Variants in HCRT observed in about 807,000 individuals in gnomAD.
HCRT encodes the protein hypocretin neuropeptide precursor, also known as hypocretin (orexin) neuropeptide.
A neutral mutation model predicts 5.7 loss-of-function variants in HCRT; 5 were observed. The observed-to-expected ratio is 0.87, with a 90% CI of 0.45 to 1.83. The LOEUF is 1.83. Ranked by LOEUF, HCRT falls within the 40% of genes most tolerant of loss-of-function variation. The pLI, the probability that HCRT is intolerant of heterozygous loss-of-function variation, is 0.02. For synonymous variants in HCRT, 114 were observed against 99.0 expected (o/e 1.15, Z -0.90); for missense variants, 207 against 191.8 (o/e 1.08, Z -0.47).
In HCRT at chr17:42,184,551, C is replaced by T. The variant is rs748356057; in HGVS notation, c.22-23G>A. The stretch of plus-strand genomic sequence containing the variant: ...GACCTAGGGAGACGGAGACAGGGCG[C>T]TGGGGGGGTCTTCCCACGGCGCCCG... On this transcript the variant is annotated intron_variant, in intron 1 of 1. Coordinates refer to ENST00000293330, the MANE Select transcript of HCRT (RefSeq NM_001524.1). The T allele has an allele frequency of 9.8e-5, 144 of 1,470,602 alleles. No individual in the cohort carries two copies. The African/African-American group carries it at 2.0e-3, about 21-fold the overall frequency. The allele number at this position is 1,470,602 out of a possible 1,614,324, so 91.1% of individuals were successfully genotyped here. A position where few individuals can be genotyped will look rare whatever the true frequency, so the allele number is the denominator to read the frequency against.
In HCRT at chr17:42,184,232, C is replaced by T; in HGVS notation, c.318G>A (p.Ala106=). ...AGCGGCGCCCGAGGCAGGGGCGCGG[C>T]GCTGGCTCTGCGCCTGCGCGGCGGC... ...TMGRRAGAEP[A]PRPCLGRRCS... Residue 106 remains alanine, a synonymous_variant, in exon 2 of 2, where the codon GCG becomes GCA. Transcript: ENST00000293330. 1 of 1,330,716 alleles carries T rather than the reference C, an allele frequency of 7.5e-7. No homozygotes were observed. The highest frequency in any genetic ancestry group is 9.6e-7 in the Non-Finnish European group (1 of 1,044,840). The allele number at this position is 1,330,716 out of a possible 1,614,324, so 82.4% of individuals were successfully genotyped here. A position where few individuals can be genotyped will look rare whatever the true frequency, so the allele number is the denominator to read the frequency against.
In HCRT at chr17:42,184,124, C is replaced by A; in HGVS notation, c.*30G>T. On this transcript the variant is annotated 3_prime_UTR_variant, in exon 2 of 2. Transcript: ENST00000293330. ...ACGCTGGGTGGGCAGAGGGCAGAGG[C>A]CTGGGCCAGGACAGGGCCCGAAGAA... 7.9e-7 allele frequency: 1 copy of A among 1,269,082 alleles called. No homozygotes were observed. The highest frequency in any genetic ancestry group is 9.9e-7 in the Non-Finnish European group (1 of 1,005,190). 78.6% of individuals were successfully genotyped at this position (1,269,082 alleles called of 1,614,324 possible).
At position 42,184,256 on chromosome 17, in the gene HCRT, G is replaced by T; in HGVS notation, c.294C>A (p.Gly98=). The T allele has an allele frequency of 2.2e-6, 3 of 1,377,762 alleles. No homozygotes were observed. Among genetic ancestry groups the T allele is most frequent in the South Asian group, 1.7e-5 (1 of 59,650 alleles). 85.3% of individuals were successfully genotyped at this position (1,377,762 alleles called of 1,614,324 possible). A position where few individuals can be genotyped will look rare whatever the true frequency, so the allele number is the denominator to read the frequency against. Residue 98 remains glycine (G), a synonymous_variant, in exon 2 of 2, where the codon GGC becomes GGA. Transcript: ENST00000293330. ...GNHAAGILTM[G]RRAGAEPAPR... is the part of the protein sequence containing the mutation. ...GCGCTGGCTCTGCGCCTGCGCGGCG[G>T]CCCATGGTCAGGATGCCCGCGGCGT...
rs771882989 is a variant in HCRT, at chr17:42,184,334, C to T, written c.216G>A (p.Gly72=). 5 of 1,561,874 alleles carry T rather than the reference C, an allele frequency of 3.2e-6. No individual in the cohort carries two copies. The highest frequency in any genetic ancestry group is 1.4e-5 in the African/African-American group (1 of 72,654). ...GILTLGKRRS[G]PPGLQGRLQR... is the part of the protein sequence containing the mutation. ...GCAGCCGACCCTGGAGGCCCGGGGGCCCGGACCTCCGCTTGCCCAGCGTGA... is the reference window on the plus strand; with the variant it reads ...GCAGCCGACCCTGGAGGCCCGGGGGTCCGGACCTCCGCTTGCCCAGCGTGA... Residue 72 remains glycine, a synonymous_variant, in exon 2 of 2, where the codon GGG becomes GGA. Coordinates refer to ENST00000293330, the MANE Select transcript of HCRT (RefSeq NM_001524.1).
At position 42,185,405 on chromosome 17, in the gene HCRT, T is replaced by C. The variant is rs368158573; in HGVS notation, c.-40A>G. 11 of 1,608,730 alleles carry C rather than the reference T, an allele frequency of 6.8e-6. No homozygotes were observed. In the African/African-American group the frequency reaches 1.2e-4, roughly 18 times the overall value. ...AGGGTGGGGTAGCCGGGAAAGGAGA[T>C]GTCTGTGGTGGTTCAAAAAGCCAGG... On this transcript the variant is annotated 5_prime_UTR_variant, in exon 1 of 2. Transcript: ENST00000293330.
rs768290032 is a variant in HCRT at position 42,184,449 on chromosome 17, TGTGCAGCCGCCCCGGACGACAA to T, written c.79_100del (p.Leu27SerfsTer62). The T allele has an allele frequency of 6.3e-7, 1 of 1,595,362 alleles. No individual in the cohort carries two copies. Among genetic ancestry groups the T allele is most frequent in the South Asian group, 1.1e-5 (1 of 89,976 alleles). ...TTGACGACAGCAGTCGGGCAGGGGC[TGTGCAGCCGCCCCGGACGACAA>T]CAGCGCGGGCGGCAGCAGCAGCAGC... On this transcript the variant is annotated frameshift_variant, in exon 2 of 2. Transcript: ENST00000293330. LOFTEE classifies it high-confidence loss of function.
At position 42,184,456 on chromosome 17, in the gene HCRT, C is replaced by A. The variant is rs777152354; in HGVS notation, c.94G>T (p.Ala32Ser). ...CAGCAGTCGGGCAGGGGCTGTGCAG[C>A]CGCCCCGGACGACAACAGCGCGGGC... ...LPPALLSSGAAAQPLPDCCRQ... is the reference protein window; with the variant it reads ...LPPALLSSGASAQPLPDCCRQ... Residue 32 changes from alanine to serine, a missense_variant, in exon 2 of 2, where the codon GCT becomes TCT. Ala to Ser is a moderately conservative substitution (Grantham distance 99). Coordinates refer to ENST00000293330, the MANE Select transcript of HCRT (RefSeq NM_001524.1). The A allele has an allele frequency of 1.9e-6, 3 of 1,592,984 alleles. No individual in the cohort carries two copies. In the South Asian group the frequency reaches 3.3e-5, roughly 18 times the overall value.
intron 1 of HCRT, among the ~76,000 whole-genome samples, chr17:42,184,731 T>G (rs1025282338): frequency 1.4e-4 from 21 of 152,130 alleles, no homozygotes; most frequent in African/African-American, 5.1e-4. Context: ...GCAGAGCATC[T>G]CCCCCAGGAA....
chr17:42,184,643 C>T, intron 1 of HCRT, 115 bp from the exon 2 acceptor site: 1 of 1,378,804 alleles, frequency 7.3e-7, no homozygotes, highest in Non-Finnish European at 9.5e-7. Context: ...GCACTCCTTT[C>T]TGGCTGTCAC....
In HCRT at chr17:42,184,445, G is replaced by C; in HGVS notation, c.105C>G (p.Pro35=). The C allele has an allele frequency of 3.1e-6, 5 of 1,596,782 alleles. No homozygotes were observed. Among genetic ancestry groups the C allele is most frequent in the Non-Finnish European group, 3.4e-6 (4 of 1,176,294 alleles). ...ALLSSGAAAQ[P]LPDCCRQKTC... is the part of the protein sequence containing the mutation. Reference sequence around the variant, plus strand: ...TCTTTTGACGACAGCAGTCGGGCAGGGGCTGTGCAGCCGCCCCGGACGACA... The same window carrying C: ...TCTTTTGACGACAGCAGTCGGGCAGCGGCTGTGCAGCCGCCCCGGACGACA... The change falls in exon 2 of 2, where the codon CCC becomes CCG. Residue 35 remains proline (P), a synonymous_variant. Transcript: ENST00000293330.
chr17:42,184,466 C>A lies in HCRT; in HGVS notation c.84G>T (p.Ser28=). 1 of 1,590,476 alleles carries A rather than the reference C, an allele frequency of 6.3e-7. No homozygotes were observed. The highest frequency in any genetic ancestry group is 1.7e-4 in the Middle Eastern group (1 of 6,026). Residue 28 remains serine (S), a synonymous_variant, in exon 2 of 2, where the codon TCG becomes TCT. Coordinates refer to ENST00000293330, the MANE Select transcript of HCRT (RefSeq NM_001524.1). ...GCAGGGGCTGTGCAGCCGCCCCGGACGACAACAGCGCGGGCGGCAGCAGCA... is the reference window on the plus strand; with the variant it reads ...GCAGGGGCTGTGCAGCCGCCCCGGAAGACAACAGCGCGGGCGGCAGCAGCA... ...LLLLLPPALL[S]SGAAAQPLPD...
chr17:42,184,482 G>A lies in HCRT; in HGVS notation c.68C>T (p.Pro23Leu). Reference sequence around the variant, plus strand: ...CGCCCCGGACGACAACAGCGCGGGCGGCAGCAGCAGCAGCAGCAGCAGTAG... The same window carrying A: ...CGCCCCGGACGACAACAGCGCGGGCAGCAGCAGCAGCAGCAGCAGCAGTAG... ...VTLLLLLLLL[P>L]PALLSSGAAA... The change falls in exon 2 of 2, where the codon CCG becomes CTG. Residue 23 changes from proline (P) to leucine (L), a missense_variant. Transcript: ENST00000293330. 3 of 1,578,292 alleles carry A rather than the reference G, an allele frequency of 1.9e-6. No individual in the cohort carries two copies. The highest frequency in any genetic ancestry group is 2.6e-6 in the Non-Finnish European group (3 of 1,168,568).
At position 42,185,348 on chromosome 17, in the gene HCRT, T is replaced by C. The variant is rs1411008349; in HGVS notation, c.18A>G (p.Thr6=). 6.2e-7 allele frequency: 1 copy of C among 1,613,912 alleles called. No individual in the cohort carries two copies. The highest frequency in any genetic ancestry group is 8.5e-7 in the Non-Finnish European group (1 of 1,179,856). MNLPS[T]KVSWAAVTLL... is the part of the protein sequence containing the mutation. ...CCCTCCATCCCTGGATCTTTACCTT[T>C]GTGGAAGGAAGGTTCATGGTGTCTG... The change falls in exon 1 of 2, where the codon ACA becomes ACG. Residue 6 remains threonine (T), a synonymous_variant. Transcript: ENST00000293330.
chr17:42,184,266 A>T lies in HCRT; in HGVS notation c.284T>A (p.Leu95Gln). The change falls in exon 2 of 2, where the codon CTG becomes CAG. Residue 95 changes from leucine (L) to glutamine (Q), a missense_variant. By Grantham distance (113) the Leu-to-Gln change is moderately radical. Coordinates refer to ENST00000293330, the MANE Select transcript of HCRT (RefSeq NM_001524.1). ...TGCGCCTGCGCGGCGGCCCATGGTC[A>T]GGATGCCCGCGGCGTGGTTGCCGCT... Reference protein sequence around the residue: ...QASGNHAAGILTMGRRAGAEP... With the variant: ...QASGNHAAGIQTMGRRAGAEP... 1 of 1,417,690 alleles carries T rather than the reference A, an allele frequency of 7.1e-7. No individual in the cohort carries two copies. Among genetic ancestry groups the T allele is most frequent in the South Asian group, 1.5e-5 (1 of 67,708 alleles). The allele number at this position is 1,417,690 out of a possible 1,614,324, so 87.8% of individuals were successfully genotyped here.
rs1167602148 is a variant in HCRT, at chr17:42,184,558, G to T, written c.22-30C>A. On this transcript the variant is annotated intron_variant, in intron 1 of 1. Coordinates refer to ENST00000293330, the MANE Select transcript of HCRT (RefSeq NM_001524.1). ...GGAGACGGAGACAGGGCGCTGGGGG[G>T]GTCTTCCCACGGCGCCCGCCACCAG... is the stretch of plus-strand genomic sequence containing the variant. 4 of 1,493,122 alleles carry T rather than the reference G, an allele frequency of 2.7e-6. 1 individual carries two copies. Among genetic ancestry groups the T allele is most frequent in the East Asian group, 2.6e-5 (1 of 38,146 alleles). 92.5% of individuals were successfully genotyped at this position (1,493,122 alleles called of 1,614,324 possible). A position where few individuals can be genotyped will look rare whatever the true frequency, so the allele number is the denominator to read the frequency against.
In HCRT at chr17:42,184,268, G is replaced by A; in HGVS notation, c.282C>T (p.Ile94=). Residue 94 remains isoleucine (I), a synonymous_variant, in exon 2 of 2, where the codon ATC becomes ATT. Transcript: ENST00000293330. Reference sequence around the variant, plus strand: ...CGCCTGCGCGGCGGCCCATGGTCAGGATGCCCGCGGCGTGGTTGCCGCTGG... The same window carrying A: ...CGCCTGCGCGGCGGCCCATGGTCAGAATGCCCGCGGCGTGGTTGCCGCTGG... ...LQASGNHAAG[I]LTMGRRAGAE... is the part of the protein sequence containing the mutation. 7.0e-7 allele frequency: 1 copy of A among 1,426,066 alleles called. No homozygotes were observed. 88.3% of individuals were successfully genotyped at this position (1,426,066 alleles called of 1,614,324 possible).
rs753435149 is a variant in HCRT at position 42,184,329 on chromosome 17, G to A, written c.221C>T (p.Pro74Leu). Residue 74 changes from proline (P) to leucine (L), a missense_variant, in exon 2 of 2, where the codon CCG becomes CTG. By Grantham distance (98) the Pro-to-Leu change is moderately conservative. Coordinates refer to ENST00000293330, the MANE Select transcript of HCRT (RefSeq NM_001524.1). Reference sequence around the variant, plus strand: ...GCGCTGCAGCCGACCCTGGAGGCCCGGGGGCCCGGACCTCCGCTTGCCCAG... The same window carrying A: ...GCGCTGCAGCCGACCCTGGAGGCCCAGGGGCCCGGACCTCCGCTTGCCCAG... ...LTLGKRRSGP[P>L]GLQGRLQRLL... 6.4e-7 allele frequency: 1 copy of A among 1,554,234 alleles called. No homozygotes were observed. Among genetic ancestry groups the A allele is most frequent in the South Asian group, 1.2e-5 (1 of 85,538 alleles).
At position 42,184,080 on chromosome 17, in the gene HCRT, G is replaced by C. The variant is rs2079921333; in HGVS notation, c.*74C>G. 4.1e-6 allele frequency: 5 copies of C among 1,232,772 alleles called. No homozygotes were observed. Among genetic ancestry groups the C allele is most frequent in the Middle Eastern group, 3.2e-4 (1 of 3,164 alleles). The allele number at this position is 1,232,772 out of a possible 1,614,324, so 76.4% of individuals were successfully genotyped here. Reference sequence around the variant, plus strand: ...ACACGAATGGAGACTCGTCTTTATTGCCTTTTTTCTGGGGGCTGACGCTGG... The same window carrying C: ...ACACGAATGGAGACTCGTCTTTATTCCCTTTTTTCTGGGGGCTGACGCTGG... On this transcript the variant is annotated 3_prime_UTR_variant, in exon 2 of 2. Transcript: ENST00000293330.
chr17:42,184,639 C>T (rs575374719), intron 1 of HCRT, 111 bp from the exon 2 acceptor site: 2 of 1,380,532 alleles, frequency 1.4e-6, no homozygotes, highest in Non-Finnish European at 1.9e-6. Context: ...GCCTGCACTC[C>T]TTTCTGGCTG....
Sources: gnomAD v4.1 joint callset for allele counts (sites outside exome capture counted in the v4.1 genomes callset) on GRCh38, gnomAD v4.1.1 for gene constraint, MANE v1.5 for transcripts, NCBI Gene and HGNC (gene_info 2026-07-23, HGNC 2026-07-21) for gene names.